Variants in TLL1 observed in about 807,000 individuals in gnomAD.
The protein encoded by TLL1 is tolloid-like protein 1.
In TLL1, 49 loss-of-function variants were observed where a neutral mutation model predicts 128.2. That is an observed-to-expected ratio of 0.38 (90% CI 0.30 to 0.48). TLL1 has a LOEUF of 0.48. TLL1 is among the 20% of genes least tolerant of loss of function. The pLI, the probability that TLL1 is intolerant of heterozygous loss-of-function variation, is 0.96. For synonymous variants in TLL1, 454 were observed against 418.8 expected, an observed-to-expected ratio of 1.08 and a Z score of -1.03; for missense variants, 1,123 against 1,242.0, an observed-to-expected ratio of 0.90 and a Z score of 1.44.
chr4:165,938,042 C>T lies in TLL1; in HGVS notation c.170-51339C>T, dbSNP rs151017426. On this transcript the variant is annotated intron_variant, in intron 1 of 20. Coordinates refer to ENST00000061240, the MANE Select transcript of TLL1 (RefSeq NM_012464.5). Reference sequence around the variant, plus strand: ...CAGCATTTCCTAGATTATGTATTAACGTTGGCATTACGGGTTGATACTTTC... The same window carrying T: ...CAGCATTTCCTAGATTATGTATTAATGTTGGCATTACGGGTTGATACTTTC... Among the ~76,000 whole-genome samples the T allele has an allele frequency of 5.1e-4, 78 of 151,640 alleles. 1 individual carries two copies. Among genetic ancestry groups the T allele is most frequent in the Non-Finnish European group, 3.8e-4 (26 of 67,880 alleles).
At chr4:165,881,836 G>A (rs1730980690) in intron 1 of TLL1, among the ~76,000 whole-genome samples, 1 of 152,196 alleles carries the variant, frequency 6.6e-6, no homozygotes, top group Non-Finnish European at 1.5e-5. Context: ...GACAGGGGCT[G>A]GGTTGGATGT....
intron 9 of TLL1, among the ~76,000 whole-genome samples, chr4:166,035,991 T>G (rs1738980048): frequency 6.6e-6 from 1 of 152,228 alleles, no homozygotes; most frequent in South Asian, 2.1e-4. Flanking sequence ...TTCTTCTGGC[T>G]ATAGCATAGC....
intron 12 of TLL1, among the ~76,000 whole-genome samples, chr4:166,051,731 T>A (rs1739747917): frequency 6.6e-6 from 1 of 152,176 alleles, no homozygotes; most frequent in South Asian, 2.1e-4. Context: ...TATCTAGAAT[T>A]GTTGTTGTAA....
chr4:165,895,534 A>G (rs555536735), intron 1 of TLL1, among the ~76,000 whole-genome samples: 4 of 150,250 alleles, frequency 2.7e-5, no homozygotes, highest in Non-Finnish European at 5.9e-5. Flanking sequence ...TTGTTCATCA[A>G]TTGGAAGACT....
chr4:166,069,390 G>T (rs1382657023), intron 16 of TLL1, among the ~76,000 whole-genome samples: 1 of 151,484 alleles, frequency 6.6e-6, no homozygotes, highest in East Asian at 1.9e-4. Context: ...CTTTTTCCAA[G>T]AACTTCTAAG....
intron 4 of TLL1, among the ~76,000 whole-genome samples, 165 bp downstream of exon 4, chr4:165,994,698 A>C (rs866080294): frequency 9.2e-5 from 14 of 152,318 alleles, no homozygotes; most frequent in Middle Eastern, 3.4e-3. Flanking sequence ...TTTGAAATTG[A>C]AAGCATATCT....
intron 8 of TLL1, among the ~76,000 whole-genome samples, chr4:166,018,952 G>C (rs1004515920): frequency 1.3e-5 from 2 of 152,164 alleles, no homozygotes; most frequent in African/African-American, 4.8e-5. Flanking sequence ...TCCCATTACT[G>C]TGTATATATC....
At chr4:166,024,748 T>A (rs1738416683) in intron 8 of TLL1, among the ~76,000 whole-genome samples, 1 of 152,198 alleles carries the variant, frequency 6.6e-6, no homozygotes, top group Non-Finnish European at 1.5e-5. Flanking sequence ...AATAAATATT[T>A]ACATCTTTTT....
At chr4:165,894,036 T>A (rs1269843456) in intron 1 of TLL1, among the ~76,000 whole-genome samples, 5 of 152,214 alleles carry the variant, frequency 3.3e-5, no homozygotes, top group Non-Finnish European at 5.9e-5. Flanking sequence ...TGTTTATCAT[T>A]AGACAAATGG....
intron 9 of TLL1, among the ~76,000 whole-genome samples, chr4:166,030,095 A>G (rs1479238312): frequency 1.3e-5 from 2 of 152,048 alleles, no homozygotes; most frequent in Admixed American, 6.6e-5. Context: ...GCATTATTTC[A>G]CAGTCCTCAC....
intron 1 of TLL1, among the ~76,000 whole-genome samples, chr4:165,961,143 T>TA (rs1454795642): frequency 1.3e-5 from 2 of 151,946 alleles, no homozygotes; most frequent in African/African-American, 2.4e-5. Context: ...AAAATCACCA[T>TA]AAAAAAATCA....
chr4:166,055,216 G>A lies in TLL1; in HGVS notation c.1665G>A (p.Lys555=), dbSNP rs1177109053. The part of the protein sequence containing the change: ...IRSTSNTLWM[K]FVSDGTVNKA... ...CTACCTCCAATACTTTGTGGATGAAGTTTGTTTCTGACGGAACTGTGAACA... is the reference window on the plus strand; with the variant it reads ...CTACCTCCAATACTTTGTGGATGAAATTTGTTTCTGACGGAACTGTGAACA... The change falls in exon 13 of 21, where the codon AAG becomes AAA. Residue 555 remains lysine (K), a synonymous_variant. Coordinates refer to ENST00000061240, the MANE Select transcript of TLL1 (RefSeq NM_012464.5). The A allele has an allele frequency of 1.2e-6, 2 of 1,613,692 alleles. No individual in the cohort carries two copies. The highest frequency in any genetic ancestry group is 2.2e-5 in the East Asian group (1 of 44,804).
At chr4:166,033,796 C>T (rs972230233) in intron 9 of TLL1, among the ~76,000 whole-genome samples, 1 of 152,134 alleles carries the variant, frequency 6.6e-6, no homozygotes, top group Non-Finnish European at 1.5e-5. Flanking sequence ...CCAAAATGTG[C>T]AGCGAAGAGG....
intron 1 of TLL1, among the ~76,000 whole-genome samples, chr4:165,902,973 A>G (rs1274910532): frequency 4.6e-5 from 7 of 152,226 alleles, no homozygotes; most frequent in Non-Finnish European, 7.3e-5. Context: ...TAATTGATAA[A>G]TTATACTTCA....
intron 12 of TLL1, among the ~76,000 whole-genome samples, chr4:166,047,660 G>A (rs1579670302): frequency 6.6e-6 from 1 of 152,114 alleles, no homozygotes; most frequent in East Asian, 1.9e-4. Context: ...CTTTGCCAGT[G>A]CCATTTGCAT....
intron 15 of TLL1, among the ~76,000 whole-genome samples, chr4:166,060,905 T>G (rs1019507121): frequency 6.6e-6 from 1 of 152,216 alleles, no homozygotes; most frequent in Non-Finnish European, 1.5e-5. Context: ...GAGGAAAGGT[T>G]ATAAACGTTT....
intron 1 of TLL1, among the ~76,000 whole-genome samples, chr4:165,959,747 T>G (rs1299884989): frequency 6.6e-6 from 1 of 152,096 alleles, no homozygotes; most frequent in Non-Finnish European, 1.5e-5. Context: ...ATGACTTGGA[T>G]GAAACACACA....
At chr4:165,899,621 T>G (rs1731857939) in intron 1 of TLL1, among the ~76,000 whole-genome samples, 2 of 152,232 alleles carry the variant, frequency 1.3e-5, no homozygotes, top group South Asian at 4.1e-4. Context: ...TTGCATTTGC[T>G]GAGGAGTGCT....
At chr4:165,881,668 G>T (rs141402498) in intron 1 of TLL1, among the ~76,000 whole-genome samples, 5 of 152,182 alleles carry the variant, frequency 3.3e-5, no homozygotes, top group Non-Finnish European at 5.9e-5. Context: ...GAGAAGTTAC[G>T]AGTGAAATAC....
Sources: allele counts gnomAD v4.1 joint callset (sites outside exome capture counted in the v4.1 genomes callset), GRCh38; gene constraint gnomAD v4.1.1; transcripts MANE v1.5; gene names NCBI Gene and HGNC (gene_info 2026-07-23, HGNC 2026-07-21).